The following ADAMTS17 variants were observed in gnomAD, a reference collection of about 807,000 sequenced individuals.
ADAMTS17 encodes A disintegrin and metalloproteinase with thrombospondin motifs 17.
In ADAMTS17, 113 loss-of-function variants were observed where a neutral mutation model predicts 141.5. The ratio of observed to expected loss-of-function variants is 0.80; its 90% CI spans 0.69 to 0.93. The LOEUF (loss-of-function observed/expected upper bound fraction) is 0.93, where lower values mean the gene tolerates loss of function less well. Ranked by LOEUF, ADAMTS17 falls within the 40% of genes least tolerant of loss-of-function variation. ADAMTS17 has a pLI of 0.00. For synonymous variants in ADAMTS17, 768 were observed against 630.6 expected, an observed-to-expected ratio of 1.22 and a Z score of -3.27; for missense variants, 1,659 against 1,517.9, an observed-to-expected ratio of 1.09 and a Z score of -1.54.
At chr15:100,052,938 T>TG (rs2032262693) in intron 16 of ADAMTS17, among the ~76,000 whole-genome samples, 1 of 152,172 alleles carries the variant, frequency 6.6e-6, no homozygotes, top group Admixed American at 6.5e-5. Flanking sequence ...GGGCCAGCGC[T>TG]CCCCGGCAGA....
At chr15:100,034,707 A>C (rs994413350) in intron 18 of ADAMTS17, among the ~76,000 whole-genome samples, 8 of 152,160 alleles carry the variant, frequency 5.3e-5, no homozygotes, top group Admixed American at 3.3e-4. Flanking sequence ...CCCAAACAGA[A>C]CTGGAGAAAG....
intron 8 of ADAMTS17, among the ~76,000 whole-genome samples, chr15:100,195,735 T>C (rs2041092487): frequency 6.6e-6 from 1 of 151,954 alleles, no homozygotes; most frequent in Admixed American, 6.6e-5. Context: ...GTCATTGTCC[T>C]TGGTCAGCCA....
intron 3 of ADAMTS17, among the ~76,000 whole-genome samples, chr15:100,309,795 G>A (rs770747104): frequency 1.8e-4 from 27 of 152,302 alleles, no homozygotes; most frequent in Admixed American, 1.3e-3. Flanking sequence ...CCAACTGCCT[G>A]GGGGTCTGTG....
intron 15 of ADAMTS17, among the ~76,000 whole-genome samples, chr15:100,088,016 G>C (rs149327911): frequency 0.33 from 49,777 of 151,928 alleles, 10,420 homozygotes; most frequent in East Asian, 0.58. Context: ...AGGAAATAAA[G>C]GGTATTCAAT....
At chr15:100,323,016 G>T (rs1036398820) in intron 3 of ADAMTS17, among the ~76,000 whole-genome samples, 1 of 150,226 alleles carries the variant, frequency 6.7e-6, no homozygotes, top group Non-Finnish European at 1.5e-5. Flanking sequence ...GGACCCGGGA[G>T]GCGGAGCTTG....
intron 8 of ADAMTS17, among the ~76,000 whole-genome samples, chr15:100,179,420 C>T (rs1010978569): frequency 1.3e-5 from 2 of 152,124 alleles, no homozygotes; most frequent in Admixed American, 1.3e-4. Flanking sequence ...GTGGTAAGTA[C>T]CATATTTTTT....
chr15:100,252,655 C>T (rs2043189692), intron 7 of ADAMTS17, among the ~76,000 whole-genome samples: 1 of 152,164 alleles, frequency 6.6e-6, no homozygotes, highest in Non-Finnish European at 1.5e-5. Context: ...CCAACCTGAC[C>T]TGGGCCTGGG....
chr15:100,251,429 A>G (rs867359181), intron 7 of ADAMTS17, among the ~76,000 whole-genome samples: 25 of 152,234 alleles, frequency 1.6e-4, no homozygotes, highest in African/African-American at 6.0e-4. Context: ...GACCTTCAAA[A>G]AGCTAATTAA....
chr15:100,265,820 G>A (rs773667402), intron 4 of ADAMTS17, among the ~76,000 whole-genome samples: 1 of 152,230 alleles, frequency 6.6e-6, no homozygotes, highest in Admixed American at 6.5e-5. Flanking sequence ...CCCCAAAGCA[G>A]CAGCACCAAC....
At position 100,063,765 on chromosome 15, in the gene ADAMTS17, G is replaced by C. The variant is rs1418409092; in HGVS notation, c.2138-9711C>G. ...GACGGCAGCTTCGATATAACCTGTA[G>C]CAACAAACGACACAGAAGTAAACCA... On this transcript the variant is annotated intron_variant, in intron 15 of 21. Coordinates refer to ENST00000268070, the MANE Select transcript of ADAMTS17 (RefSeq NM_139057.4). 10 of 1,289,926 alleles carry C rather than the reference G, an allele frequency of 7.8e-6. No homozygotes were observed. The Admixed American group carries it at 2.1e-4, about 27-fold the overall frequency. 79.9% of individuals were successfully genotyped at this position (1,289,926 alleles called of 1,614,324 possible).
chr15:100,059,174 G>T (rs58307277), intron 15 of ADAMTS17, among the ~76,000 whole-genome samples: 2,187 of 152,316 alleles, frequency 0.014, 49 homozygotes, highest in African/African-American at 0.048. Flanking sequence ...CCGATGAGTT[G>T]GAGAACTCCT....
chr15:100,188,028 G>A (rs1025545657), intron 8 of ADAMTS17, among the ~76,000 whole-genome samples: 1 of 152,158 alleles, frequency 6.6e-6, no homozygotes, highest in Non-Finnish European at 1.5e-5. Context: ...AGGCTGCAAT[G>A]AGTTGCGATC....
chr15:100,229,472 A>G (rs768243274), intron 7 of ADAMTS17, among the ~76,000 whole-genome samples: 6 of 152,144 alleles, frequency 3.9e-5, no homozygotes, highest in Non-Finnish European at 7.3e-5. Context: ...CTTCTGTTCT[A>G]TGACGCACAG....
chr15:100,121,873 C>A (rs116557167), intron 12 of ADAMTS17, among the ~76,000 whole-genome samples: 4,462 of 152,240 alleles, frequency 0.029, 185 homozygotes, highest in African/African-American at 0.092. Flanking sequence ...AGCTTCCAAG[C>A]ACACCAACTT....
chr15:100,319,704 C>T (rs1406162122), intron 3 of ADAMTS17, among the ~76,000 whole-genome samples: 1 of 151,976 alleles, frequency 6.6e-6, no homozygotes, highest in South Asian at 2.1e-4. Context: ...AGAGAGACTC[C>T]ATCTCGAGAA....
intron 13 of ADAMTS17, among the ~76,000 whole-genome samples, chr15:100,113,644 G>C (rs1827490222): frequency 6.6e-6 from 1 of 152,246 alleles, no homozygotes; most frequent in Admixed American, 6.5e-5. Context: ...TCTGCAGTGG[G>C]TGCACGGGGT....
chr15:100,027,343 T>C (rs922200782), intron 18 of ADAMTS17, among the ~76,000 whole-genome samples: 1 of 152,244 alleles, frequency 6.6e-6, no homozygotes, highest in Admixed American at 6.5e-5. Context: ...TTACATATTA[T>C]TTTTCATTCC....
chr15:100,119,483 C>T (rs548931281), intron 12 of ADAMTS17, among the ~76,000 whole-genome samples: 12 of 152,350 alleles, frequency 7.9e-5, no homozygotes, highest in Non-Finnish European at 1.3e-4. Flanking sequence ...GATTGGTGAA[C>T]ATCATGTGAT....
At chr15:100,154,574 T>C (rs758383111) in intron 9 of ADAMTS17, among the ~76,000 whole-genome samples, 4 of 152,192 alleles carry the variant, frequency 2.6e-5, no homozygotes, top group East Asian at 1.9e-4. Context: ...AACCCAACCC[T>C]GAGGTCTTGA....
Sources: gnomAD v4.1 joint callset for allele counts (sites outside exome capture counted in the v4.1 genomes callset) on GRCh38, gnomAD v4.1.1 for gene constraint, MANE v1.5 for transcripts, NCBI Gene and HGNC (gene_info 2026-07-23, HGNC 2026-07-21) for gene names.